The following TICAM2 variants were observed in gnomAD, a reference collection of about 807,000 sequenced individuals.
The protein encoded by TICAM2 is TIR domain-containing adapter molecule 2.
In TICAM2, 8 loss-of-function variants were observed where a neutral mutation model predicts 7.3. The observed-to-expected ratio is 1.10, with a 90% CI of 0.65 to 1.99. The LOEUF is 1.99. TICAM2 is among the 30% of genes most tolerant of loss of function. TICAM2 has a pLI of 0.00. For synonymous variants in TICAM2, 113 were observed against 99.6 expected (o/e 1.13, Z -0.80); for missense variants, 304 against 278.8 (o/e 1.09, Z -0.65).
intron 1 of TICAM2, among the ~76,000 whole-genome samples, chr5:115,589,414 A>G (rs752261083): frequency 1.9e-4 from 29 of 152,264 alleles, no homozygotes; most frequent in Admixed American, 7.8e-4. Context: ...TATTTTCAGG[A>G]ACAGAATGAG....
In TICAM2 at chr5:115,580,691, AGGGCAAAGG is replaced by A. The variant is rs749077566; in HGVS notation, c.557_565del (p.Pro186_Ala188del). On this transcript the variant is annotated inframe_deletion, in exon 2 of 2. Coordinates refer to ENST00000427199, the MANE Select transcript of TICAM2 (RefSeq NM_021649.7). The stretch of plus-strand genomic sequence containing the variant: ...TTCCTCTAAGGCATTGATGGTTTGG[AGGGCAAAGG>A]GAGTCCTTTCTCGGGGAAGGGGATT... 2 of 1,592,810 alleles carry A rather than the reference AGGGCAAAGG, an allele frequency of 1.3e-6. No individual in the cohort carries two copies. The highest frequency in any genetic ancestry group is 3.6e-5 in the Admixed American group (2 of 55,160).
At chr5:115,581,381 C>T in intron 1 of TICAM2, 66 bp from the exon 2 acceptor site, 2 of 1,480,658 alleles carry the variant, frequency 1.4e-6, no homozygotes, top group Non-Finnish European at 9.0e-7. Flanking sequence ...TGGAAACTTT[C>T]ATTCAAACTG....
intron 1 of TICAM2, among the ~76,000 whole-genome samples, chr5:115,596,886 A>G (rs1755532867): frequency 6.6e-6 from 1 of 152,176 alleles, no homozygotes; most frequent in Non-Finnish European, 1.5e-5. Flanking sequence ...GCCACTGCAC[A>G]CTCCAGCCTG....
At chr5:115,598,560 C>G (rs256968) in intron 1 of TICAM2, among the ~76,000 whole-genome samples, 86,631 of 151,996 alleles carry the variant, frequency 0.57, 25,555 homozygotes, top group African/African-American at 0.74. Flanking sequence ...GGAAGCTCCA[C>G]GTTAATGAGT....
rs1368690700 is a variant in TICAM2, at chr5:115,579,422, T to A, written c.*1127A>T. The A allele has an allele frequency of 6.6e-6, 1 of 152,232 alleles. No homozygotes were observed. Among genetic ancestry groups the A allele is most frequent in the Non-Finnish European group, 1.5e-5 (1 of 68,060 alleles). The allele number at this position is 152,232 out of a possible 1,614,324, so 9.4% of individuals were successfully genotyped here. On this transcript the variant is annotated 3_prime_UTR_variant, in exon 2 of 2. Transcript: ENST00000427199. ...GAAATTGGACTAGAACCAAGTCTCA[T>A]GATCCCGAAGAGGGCTTTTCTCATT...
At position 115,583,753 on chromosome 5, in the gene TICAM2, G is replaced by C. The variant is rs149070987; in HGVS notation, c.-59-2438C>G. Among the ~76,000 whole-genome samples the C allele has an allele frequency of 3.9e-5, 6 of 152,328 alleles. No homozygotes were observed. The East Asian group carries it at 1.2e-3, about 29-fold the overall frequency. On this transcript the variant is annotated intron_variant, in intron 1 of 1. Coordinates refer to ENST00000427199, the MANE Select transcript of TICAM2 (RefSeq NM_021649.7). ...CACGACTGTGCTTCACTGTTGGCCA[G>C]TTAACTCCATCAGTAAAAAGGGCTC...
intron 1 of TICAM2, among the ~76,000 whole-genome samples, chr5:115,597,697 G>C (rs905040834): frequency 6.6e-6 from 1 of 152,082 alleles, no homozygotes; most frequent in Non-Finnish European, 1.5e-5. Context: ...GGGTAGGGAA[G>C]ACTGATTCCA....
chr5:115,595,294 G>A (rs991615666), intron 1 of TICAM2, among the ~76,000 whole-genome samples: 13 of 152,122 alleles, frequency 8.5e-5, no homozygotes, highest in African/African-American at 2.9e-4. Flanking sequence ...TACCGATTAC[G>A]ACGGAAACCT....
At chr5:115,583,800 T>C (rs1755012616) in intron 1 of TICAM2, among the ~76,000 whole-genome samples, 1 of 152,184 alleles carries the variant, frequency 6.6e-6, no homozygotes. Flanking sequence ...AGGAAAGGCA[T>C]GGCGTGGTGA....
intron 1 of TICAM2, among the ~76,000 whole-genome samples, chr5:115,597,775 C>A (rs1211142747): frequency 1.3e-5 from 2 of 152,130 alleles, no homozygotes; most frequent in Non-Finnish European, 2.9e-5. Flanking sequence ...GCCTGCAGAG[C>A]CTGCGTATAC....
chr5:115,596,162 T>A (rs1402265468), intron 1 of TICAM2, among the ~76,000 whole-genome samples: 1 of 152,172 alleles, frequency 6.6e-6, no homozygotes, highest in African/African-American at 2.4e-5. Context: ...TAACAGATAA[T>A]CTCAAATTGT....
At chr5:115,583,170 C>A (rs563948553) in intron 1 of TICAM2, among the ~76,000 whole-genome samples, 88 of 152,260 alleles carry the variant, frequency 5.8e-4, no homozygotes, top group Middle Eastern at 3.4e-3. Flanking sequence ...TTTTGCTATG[C>A]AAAGTTGCAG....
chr5:115,583,944 A>T (rs892818989), intron 1 of TICAM2, among the ~76,000 whole-genome samples: 2 of 152,206 alleles, frequency 1.3e-5, no homozygotes, highest in African/African-American at 2.4e-5. Flanking sequence ...ATGGAAGGAG[A>T]GTGAGGGTGC....
intron 1 of TICAM2, among the ~76,000 whole-genome samples, chr5:115,593,005 T>C (rs1755366810): frequency 1.3e-5 from 2 of 152,136 alleles, no homozygotes; most frequent in Non-Finnish European, 1.5e-5. Flanking sequence ...TAGCTAGGTG[T>C]GGTGCCGCAT....
At chr5:115,588,299 C>G (rs1755184835) in intron 1 of TICAM2, among the ~76,000 whole-genome samples, 2 of 152,164 alleles carry the variant, frequency 1.3e-5, no homozygotes, top group Non-Finnish European at 1.5e-5. Context: ...CACCACCACT[C>G]CTTTTCTGAA....
At chr5:115,601,415 A>G (rs1755731518) in intron 1 of TICAM2, among the ~76,000 whole-genome samples, 2 of 152,288 alleles carry the variant, frequency 1.3e-5, no homozygotes, top group South Asian at 4.1e-4. Flanking sequence ...AAGGAATACT[A>G]AACACTTGGA....
At chr5:115,595,111 C>G (rs942676398) in intron 1 of TICAM2, among the ~76,000 whole-genome samples, 4 of 152,032 alleles carry the variant, frequency 2.6e-5, no homozygotes, top group Non-Finnish European at 5.9e-5. Flanking sequence ...CTCTGTTGAC[C>G]AAAGTTTGCT....
intron 1 of TICAM2, among the ~76,000 whole-genome samples, chr5:115,595,029 T>G (rs927661385): frequency 2.6e-5 from 4 of 152,156 alleles, no homozygotes; most frequent in African/African-American, 7.2e-5. Context: ...TCTGACATGA[T>G]TCCAATAGAG....
At chr5:115,595,452 G>A (rs898063200) in intron 1 of TICAM2, among the ~76,000 whole-genome samples, 4 of 152,058 alleles carry the variant, frequency 2.6e-5, no homozygotes, top group African/African-American at 7.2e-5. Flanking sequence ...CCCTGCCTAT[G>A]CTTTAGTTCA....
Sources: gnomAD v4.1 joint callset for allele counts (sites outside exome capture counted in the v4.1 genomes callset) on GRCh38, gnomAD v4.1.1 for gene constraint, MANE v1.5 for transcripts, NCBI Gene and HGNC (gene_info 2026-07-23, HGNC 2026-07-21) for gene names.